Variants in CDON observed in about 807,000 individuals in gnomAD.
CDON encodes cell adhesion associated, oncogene regulated, also known as cell adhesion molecule-related/down-regulated by oncogenes.
In CDON, 73 loss-of-function variants were observed where a neutral mutation model predicts 120.9. The observed-to-expected ratio is 0.60, with a 90% CI of 0.50 to 0.73. CDON has a LOEUF of 0.73. CDON is among the 30% of genes least tolerant of loss of function. CDON has a pLI of 0.00. For synonymous variants in CDON, 566 were observed against 573.5 expected (o/e 0.99, Z 0.19); for missense variants, 1,470 against 1,587.3 (o/e 0.93, Z 1.26).
intron 1 of CDON, among the ~76,000 whole-genome samples, chr11:126,041,758 T>A (rs1948268844): frequency 6.6e-6 from 1 of 152,232 alleles, no homozygotes; most frequent in Non-Finnish European, 1.5e-5. Flanking sequence ...ATTTGGTAAA[T>A]ATGTAAGGAA....
At chr11:126,010,764 T>C (rs1947279962) in intron 7 of CDON, 70 bp from the exon 8 acceptor site, 1 of 1,229,170 alleles carries the variant, frequency 8.1e-7, no homozygotes, top group Non-Finnish European at 1.2e-6. Flanking sequence ...AACAACTTCA[T>C]CCTATCACGT....
In CDON at chr11:125,971,200, A is replaced by G. The variant is rs550822989; in HGVS notation, c.3356+7104T>C. ...AGACCAAGACCATCCTGGCTAACAC[A>G]GTGAAACCCCATCTCTACTAAAAAC... On this transcript the variant is annotated intron_variant, in intron 18 of 19. Coordinates refer to ENST00000531738, the MANE Select transcript of CDON (RefSeq NM_001378964.1). Among the ~76,000 whole-genome samples, 284 of 152,178 alleles carry G rather than the reference A, an allele frequency of 1.9e-3. 3 individuals are homozygous for G. In the South Asian group the frequency reaches 0.033, roughly 18 times the overall value.
intron 14 of CDON, among the ~76,000 whole-genome samples, chr11:125,991,936 T>C (rs1019434357): frequency 6.6e-6 from 1 of 152,134 alleles, no homozygotes; most frequent in African/African-American, 2.4e-5. Context: ...CCATGCTCAA[T>C]ATGCATATTA....
rs187657643 is a variant in CDON, at chr11:125,984,156, C to T, written c.2774-63G>A. 3.0e-4 allele frequency: 364 copies of T among 1,201,628 alleles called. 1 individual carries two copies. The African/African-American group carries it at 4.1e-3, about 13-fold the overall frequency. 74.4% of individuals were successfully genotyped at this position (1,201,628 alleles called of 1,614,324 possible). On this transcript the variant is annotated intron_variant, in intron 15 of 19. Transcript: ENST00000531738. Reference sequence around the variant, plus strand: ...AATACAGACTCCATGAAATGGTTTACTCTCTGAAGGAGGTCTGGTTAGGAA... The same window carrying T: ...AATACAGACTCCATGAAATGGTTTATTCTCTGAAGGAGGTCTGGTTAGGAA...
intron 9 of CDON, 199 bp from the exon 10 acceptor site, chr11:126,004,275 A>C: frequency 1.1e-5 from 7 of 622,530 alleles, no homozygotes; most frequent in East Asian, 2.9e-5. Flanking sequence ...TGCAATTCTC[A>C]CTGTAGAAAG....
chr11:126,058,713 A>G (rs1256806171), intron 1 of CDON, among the ~76,000 whole-genome samples: 2 of 152,218 alleles, frequency 1.3e-5, no homozygotes, highest in African/African-American at 4.8e-5. Flanking sequence ...TACACCATCC[A>G]CCATTCAGAA....
chr11:126,021,358 C>A lies in CDON; in HGVS notation c.239G>T (p.Gly80Val), dbSNP rs537243111. 1 of 1,614,046 alleles carries A rather than the reference C, an allele frequency of 6.2e-7. No individual in the cohort carries two copies. The highest frequency in any genetic ancestry group is 8.5e-7 in the Non-Finnish European group (1 of 1,180,000). ...GTTGAGAGAAAGAATTGTCAGAGTC[C>A]CCTGATGAATCTTAACATGTTCCAG... is the stretch of plus-strand genomic sequence containing the variant. Reference protein sequence around the residue: ...GNLEHVKIHQGTLTILSLNSS... With the variant: ...GNLEHVKIHQVTLTILSLNSS... Residue 80 changes from glycine to valine, a missense_variant, in exon 3 of 20, where the codon GGG (glycine) becomes GTG (valine). By Grantham distance (109) the Gly-to-Val change is moderately radical (BLOSUM62 -3). Transcript: ENST00000531738.
intron 18 of CDON, among the ~76,000 whole-genome samples, chr11:125,971,224 A>G (rs1313567177): frequency 6.6e-6 from 1 of 151,964 alleles, no homozygotes; most frequent in Non-Finnish European, 1.5e-5. Flanking sequence ...TCTACTAAAA[A>G]CATAAAAAAT....
chr11:126,043,300 T>C (rs907705048), intron 1 of CDON, among the ~76,000 whole-genome samples: 3 of 152,134 alleles, frequency 2.0e-5, no homozygotes. Flanking sequence ...GAGCATGAAG[T>C]GGCCAACAGG....
chr11:125,986,480 A>G (rs1591356193), intron 15 of CDON, among the ~76,000 whole-genome samples: 2 of 152,258 alleles, frequency 1.3e-5, no homozygotes, highest in South Asian at 4.2e-4. Context: ...ATAAAAATCT[A>G]CTTGGCTGGG....
At chr11:126,022,730 T>C (rs1215597680) in intron 2 of CDON, among the ~76,000 whole-genome samples, 1 of 152,326 alleles carries the variant, frequency 6.6e-6, no homozygotes. Flanking sequence ...TTTCCCCTTA[T>C]TAAATTTAAT....
At chr11:126,027,314 C>G (rs1410549237) in intron 1 of CDON, among the ~76,000 whole-genome samples, 1 of 152,166 alleles carries the variant, frequency 6.6e-6, no homozygotes, top group African/African-American at 2.4e-5. Context: ...CACAAATAAA[C>G]ATTACTGACC....
Position 125,959,602 on chromosome 11 carries a change from CAAACAAAAAA to C in CDON, c.*1330_*1339del, listed in dbSNP as rs1335581023. On this transcript the variant is annotated 3_prime_UTR_variant, in exon 20 of 20. Coordinates refer to ENST00000531738, the MANE Select transcript of CDON (RefSeq NM_001378964.1). ...TTTCAGGAAAAAAACCCAAAACAAA[CAAACAAAAAA>C]AAACAAAAAACAAACAAACAAAAAA... is the stretch of plus-strand genomic sequence containing the variant. The C allele has an allele frequency of 4.0e-5, 6 of 151,474 alleles. No homozygotes were observed. Among genetic ancestry groups the C allele is most frequent in the South Asian group, 2.1e-4 (1 of 4,794 alleles). The allele number at this position is 151,474 out of a possible 1,614,324, so 9.4% of individuals were successfully genotyped here.
intron 18 of CDON, among the ~76,000 whole-genome samples, chr11:125,977,528 G>A (rs962626542): frequency 1.1e-4 from 16 of 152,034 alleles, no homozygotes; most frequent in African/African-American, 3.4e-4. Context: ...TAATCTTTTT[G>A]GTTGTAGAGT....
chr11:126,045,197 T>C (rs1403663641), intron 1 of CDON, among the ~76,000 whole-genome samples: 1 of 152,278 alleles, frequency 6.6e-6, no homozygotes, highest in East Asian at 1.9e-4. Flanking sequence ...AGTTAATTTT[T>C]TTGTATTTTT....
chr11:126,030,989 G>A (rs556744204), intron 1 of CDON, among the ~76,000 whole-genome samples: 4 of 152,296 alleles, frequency 2.6e-5, no homozygotes, highest in African/African-American at 9.6e-5. Context: ...GAACCTATGA[G>A]GGGTGCAAAG....
intron 7 of CDON, 35 bp from the exon 8 acceptor site, chr11:126,010,729 G>A (rs750409042): frequency 3.2e-6 from 5 of 1,543,330 alleles, no homozygotes; most frequent in South Asian, 1.1e-5. Flanking sequence ...GAAAAATGAA[G>A]AACATTGTAG....
At chr11:126,010,015 A>AT (rs1331563341) in intron 8 of CDON, among the ~76,000 whole-genome samples, 2 of 152,224 alleles carry the variant, frequency 1.3e-5, no homozygotes, top group African/African-American at 4.8e-5. Flanking sequence ...TATCAAGGGC[A>AT]TAAAAAATGT....
rs139575636 is a variant in CDON at position 125,965,996 on chromosome 11, G to A, written c.3357-3998C>T. ...CTAAAAAATACAAAAAATTAGCCAGGCGTGGTGGCGCATGCCTGTAATCCC... is the reference window on the plus strand; with the variant it reads ...CTAAAAAATACAAAAAATTAGCCAGACGTGGTGGCGCATGCCTGTAATCCC... On this transcript the variant is annotated intron_variant, in intron 18 of 19. Transcript: ENST00000531738. Among the ~76,000 whole-genome samples the A allele has an allele frequency of 3.7e-3, 569 of 152,230 alleles. 3 individuals carry two copies. The highest frequency in any genetic ancestry group is 0.013 in the African/African-American group (553 of 41,536).
Sources: gnomAD v4.1 joint callset for allele counts (sites outside exome capture counted in the v4.1 genomes callset) on GRCh38, gnomAD v4.1.1 for gene constraint, MANE v1.5 for transcripts, NCBI Gene and HGNC (gene_info 2026-07-23, HGNC 2026-07-21) for gene names.